The following PDCD6IP variants were observed in gnomAD, a reference collection of about 807,000 sequenced individuals.
PDCD6IP encodes the protein programmed cell death 6-interacting protein.
A neutral mutation model predicts 103.7 loss-of-function variants in PDCD6IP; 43 were observed. The ratio of observed to expected loss-of-function variants is 0.41; its 90% CI spans 0.32 to 0.53. The LOEUF (loss-of-function observed/expected upper bound fraction) is 0.53. Ranked by LOEUF, PDCD6IP falls within the 20% of genes least tolerant of loss-of-function variation. PDCD6IP has a pLI of 0.16. For missense variants in PDCD6IP, 871 were observed against 1,036.7 expected, an observed-to-expected ratio of 0.84 and a Z score of 2.20; for synonymous variants, 354 against 378.7, an observed-to-expected ratio of 0.93 and a Z score of 0.76.
At chr3:33,859,970 G>A (rs147444109) in intron 15 of PDCD6IP, among the ~76,000 whole-genome samples, 1 of 152,160 alleles carries the variant, frequency 6.6e-6, no homozygotes, top group Admixed American at 6.5e-5. Context: ...GTGAAATGCT[G>A]TGCAGCTATT....
chr3:33,824,784 T>A (rs546528530), intron 4 of PDCD6IP, among the ~76,000 whole-genome samples: 1 of 152,328 alleles, frequency 6.6e-6, no homozygotes, highest in African/African-American at 2.4e-5. Context: ...GGGTGTCCCC[T>A]AACTACGGCA....
chr3:33,854,915 G>C (rs1280405781), intron 14 of PDCD6IP: 1 of 231,132 alleles, frequency 4.3e-6, no homozygotes, highest in Admixed American at 5.6e-5. Flanking sequence ...TCATGATCAT[G>C]AATCTTTTAA....
intron 3 of PDCD6IP, among the ~76,000 whole-genome samples, chr3:33,815,790 T>C (rs1287854829): frequency 6.6e-6 from 1 of 152,190 alleles, no homozygotes; most frequent in African/African-American, 2.4e-5. Flanking sequence ...CTGTGTTATG[T>C]CTGGGTAGAC....
chr3:33,839,816 C>T (rs1274354906), intron 9 of PDCD6IP, among the ~76,000 whole-genome samples: 4 of 152,170 alleles, frequency 2.6e-5, no homozygotes, highest in Admixed American at 2.0e-4. Context: ...GTAGCAGAAT[C>T]TCACTGTGAT....
chr3:33,814,997 A>G (rs1026056748), intron 3 of PDCD6IP, among the ~76,000 whole-genome samples: 2 of 147,666 alleles, frequency 1.4e-5, no homozygotes, highest in South Asian at 2.1e-4. Flanking sequence ...TCCTTTTTAT[A>G]GTATACATAT....
At chr3:33,829,104 A>G (rs1419680506) in intron 7 of PDCD6IP, 135 bp downstream of exon 7, 4 of 521,780 alleles carry the variant, frequency 7.7e-6, no homozygotes, top group East Asian at 3.6e-5. Flanking sequence ...GATTGTTTTT[A>G]TCTTTAGACT....
intron 3 of PDCD6IP, among the ~76,000 whole-genome samples, chr3:33,818,188 A>G (rs906130911): frequency 5.5e-5 from 8 of 145,048 alleles, no homozygotes; most frequent in African/African-American, 1.8e-4. Context: ...GCTTACTGCA[A>G]CCTCTGCCTC....
chr3:33,858,801 C>T (rs1697887318), intron 15 of PDCD6IP, among the ~76,000 whole-genome samples: 1 of 152,150 alleles, frequency 6.6e-6, no homozygotes, highest in Non-Finnish European at 1.5e-5. Context: ...CAGAGTGAGA[C>T]TCTGTCTCAA....
At chr3:33,854,764 C>A (rs1310668463) in intron 14 of PDCD6IP, 1 of 153,422 alleles carries the variant, frequency 6.5e-6, no homozygotes, top group Admixed American at 6.5e-5. Context: ...AGAAAACCCT[C>A]CAGAGAGCCT....
At position 33,845,407 on chromosome 3, in the gene PDCD6IP, AT is replaced by A. The variant is rs1454924867; in HGVS notation, c.1472-8del. On this transcript the variant is annotated splice_polypyrimidine_tract_variant and intron_variant, in intron 11 of 17. Coordinates refer to ENST00000307296, the MANE Select transcript of PDCD6IP (RefSeq NM_013374.6). Reference sequence around the variant, plus strand: ...TCACTTCTGTGCTCTGCAAACTTTTATTTTCTCCCAGAGGGAACCAACTTCA... The same window carrying A: ...TCACTTCTGTGCTCTGCAAACTTTTATTTCTCCCAGAGGGAACCAACTTCA... The A allele has an allele frequency of 1.9e-6, 3 of 1,606,410 alleles. No individual in the cohort carries two copies. The highest frequency in any genetic ancestry group is 1.7e-5 in the Admixed American group (1 of 59,230).
intron 12 of PDCD6IP, among the ~76,000 whole-genome samples, chr3:33,847,268 G>A (rs1167755779): frequency 2.6e-5 from 4 of 152,150 alleles, no homozygotes; most frequent in African/African-American, 9.7e-5. Context: ...TTTGTGCTAA[G>A]CAAAATCTGC....
intron 7 of PDCD6IP, among the ~76,000 whole-genome samples, chr3:33,834,976 A>G (rs747596240): frequency 1.3e-5 from 2 of 152,118 alleles, no homozygotes; most frequent in Non-Finnish European, 2.9e-5. Context: ...TTATGGGTAA[A>G]TGTGTCAATT....
chr3:33,835,166 AT>A, intron 7 of PDCD6IP: 1 of 454,372 alleles, frequency 2.2e-6, no homozygotes, highest in Non-Finnish European at 4.4e-6. Context: ...GCTTATGTTC[AT>A]TTTTTTATAA....
intron 13 of PDCD6IP, among the ~76,000 whole-genome samples, chr3:33,853,331 A>G (rs1345862915): frequency 6.6e-6 from 1 of 152,068 alleles, no homozygotes; most frequent in South Asian, 2.1e-4. Flanking sequence ...TTTTTTTTCC[A>G]TATGGGAGGA....
At chr3:33,809,243 A>C (rs1920053) in intron 1 of PDCD6IP, among the ~76,000 whole-genome samples, 3 of 152,204 alleles carry the variant, frequency 2.0e-5, no homozygotes, top group African/African-American at 7.2e-5. Flanking sequence ...TTAGATGTTT[A>C]CTGCTAAATT....
intron 4 of PDCD6IP, among the ~76,000 whole-genome samples, chr3:33,823,760 C>T (rs752752923): frequency 2.0e-5 from 3 of 151,802 alleles, no homozygotes; most frequent in African/African-American, 2.4e-5. Context: ...CTAGTCTGGG[C>T]GACAAGAGCA....
intron 1 of PDCD6IP, among the ~76,000 whole-genome samples, chr3:33,808,905 C>G (rs571319302): frequency 6.6e-6 from 1 of 152,312 alleles, no homozygotes; most frequent in East Asian, 1.9e-4. Context: ...ATATTGGTCT[C>G]CTTGCCATGC....
At chr3:33,809,945 A>T (rs1696680074) in intron 1 of PDCD6IP, among the ~76,000 whole-genome samples, 1 of 152,204 alleles carries the variant, frequency 6.6e-6, no homozygotes, top group African/African-American at 2.4e-5. Context: ...ATCAGGAAAA[A>T]TAAGATGTGG....
intron 15 of PDCD6IP, 111 bp from the exon 16 acceptor site, chr3:33,863,892 CATT>C (rs1457116472): frequency 5.7e-6 from 4 of 707,434 alleles, no homozygotes; most frequent in Non-Finnish European, 9.9e-6. Context: ...AAAATACCAT[CATT>C]GTTTGGAATC....
Sources: gnomAD v4.1 joint callset for allele counts (sites outside exome capture counted in the v4.1 genomes callset) on GRCh38, gnomAD v4.1.1 for gene constraint, MANE v1.5 for transcripts, NCBI Gene and HGNC (gene_info 2026-07-23, HGNC 2026-07-21) for gene names.